The following CR1 variants were observed in gnomAD, a reference collection of about 807,000 sequenced individuals.
CR1 encodes complement C3b/C4b receptor 1 (Knops blood group), also known as complement receptor type 1.
Under a neutral mutation model 187.3 loss-of-function variants are expected in CR1, and 116 were observed. That is an observed-to-expected ratio of 0.62 (90% CI 0.53 to 0.72). The LOEUF (loss-of-function observed/expected upper bound fraction) is 0.72, where lower values mean the gene tolerates loss of function less well. CR1 is among the 30% of genes least tolerant of loss of function. The probability of loss-of-function intolerance (pLI) is 0.00; values close to 1 mark genes in which losing one functional copy is unlikely to be tolerated. For synonymous variants in CR1, 576 were observed against 747.1 expected, an observed-to-expected ratio of 0.77 and a Z score of 3.73; for missense variants, 1,731 against 2,110.7, an observed-to-expected ratio of 0.82 and a Z score of 3.52.
In CR1 at chr1:207,619,967, C is replaced by T; in HGVS notation, c.7154C>T (p.Thr2385Ile). Residue 2385 changes from threonine (T) to isoleucine (I), a missense_variant, in exon 43 of 47, where the codon ACT (threonine) becomes ATT (isoleucine). Coordinates refer to ENST00000367049, the MANE Select transcript of CR1 (RefSeq NM_000651.6). ...KKVYHYGDYVTLKCEDGYTLE... is the reference protein window; with the variant it reads ...KKVYHYGDYVILKCEDGYTLE... ...GTATATCACTATGGAGATTATGTGA[C>T]TTTGAAGTGTGAAGATGGGTATACT... 1 of 1,613,392 alleles carries T rather than the reference C, an allele frequency of 6.2e-7. No individual in the cohort carries two copies. The highest frequency in any genetic ancestry group is 8.5e-7 in the Non-Finnish European group (1 of 1,179,660).
At chr1:207,521,104 G>A (rs1481052374) in intron 4 of CR1, among the ~76,000 whole-genome samples, 1 of 150,666 alleles carries the variant, frequency 6.6e-6, no homozygotes, top group East Asian at 2.0e-4. Context: ...AGCCTTCCAA[G>A]TAGCTGCAAT....
In CR1 at chr1:207,567,996, A is replaced by G; in HGVS notation, c.4125A>G (p.Gln1375=). The G allele has an allele frequency of 1.2e-6, 2 of 1,610,548 alleles. No individual in the cohort carries two copies. Among genetic ancestry groups the G allele is most frequent in the South Asian group, 1.1e-5 (1 of 91,044 alleles). ...CCATCCGCTGCACAAGTGACCCTCA[A>G]GGGAATGGGGTTTGGAGCAGCCCTG... ...ESTIRCTSDP[Q]GNGVWSSPAP... is the part of the protein sequence containing the mutation. The change falls in exon 25 of 47, where the codon CAA becomes CAG. Residue 1375 remains glutamine (Q), a synonymous_variant. Transcript: ENST00000367049.
chr1:207,606,114 T>G (rs1661743393), intron 35 of CR1: 1 of 152,276 alleles, frequency 6.6e-6, no homozygotes, highest in Admixed American at 6.5e-5. Context: ...CACAGAAACC[T>G]GGGTTCCTTC....
At chr1:207,518,063 AC>A (rs1659858307) in intron 4 of CR1, among the ~76,000 whole-genome samples, 2 of 151,978 alleles carry the variant, frequency 1.3e-5, no homozygotes, top group South Asian at 2.1e-4. Context: ...TTTGTTTCCA[AC>A]CTTTATTTTT....
At chr1:207,500,397 T>G (rs780558898) in intron 1 of CR1, among the ~76,000 whole-genome samples, 1 of 152,242 alleles carries the variant, frequency 6.6e-6, no homozygotes, top group African/African-American at 2.4e-5. Flanking sequence ...AGGGTAAGTA[T>G]GCAGAATGGA....
At chr1:207,596,724 CAA>C (rs979267267) in intron 35 of CR1, among the ~76,000 whole-genome samples, 46 of 148,874 alleles carry the variant, frequency 3.1e-4, no homozygotes, top group African/African-American at 1.1e-3. Context: ...GATGTTCAAG[CAA>C]AGATAGGAAA....
intron 5 of CR1, among the ~76,000 whole-genome samples, chr1:207,525,954 G>A (rs1440006076): frequency 6.6e-6 from 1 of 152,054 alleles, no homozygotes; most frequent in South Asian, 2.1e-4. Context: ...AAGACAAACC[G>A]AAATTATTTT....
At chr1:207,567,138 C>A (rs1175301175) in intron 24 of CR1, among the ~76,000 whole-genome samples, 1 of 150,284 alleles carries the variant, frequency 6.7e-6, no homozygotes, top group African/African-American at 2.5e-5. Context: ...AGAGACTGTT[C>A]TAAACAAATC....
At chr1:207,518,667 G>C (rs946441956) in intron 4 of CR1, among the ~76,000 whole-genome samples, 1 of 152,184 alleles carries the variant, frequency 6.6e-6, no homozygotes, top group Non-Finnish European at 1.5e-5. Flanking sequence ...TCCTTGGCTT[G>C]TAGATGCATC....
At chr1:207,621,791 T>C (rs1369967160) in intron 43 of CR1, among the ~76,000 whole-genome samples, 182 bp from the exon 44 acceptor site, 3 of 152,242 alleles carry the variant, frequency 2.0e-5, no homozygotes, top group Non-Finnish European at 4.4e-5. Context: ...TTTTTAAAAG[T>C]CTTCTCTGAG....
intron 23 of CR1, 142 bp from the exon 24 acceptor site, chr1:207,565,696 C>T (rs1660472099): frequency 1.8e-6 from 2 of 1,098,076 alleles, no homozygotes; most frequent in Middle Eastern, 3.0e-4. Context: ...GTGATTTTTC[C>T]AGAATAAGGT....
intron 42 of CR1, among the ~76,000 whole-genome samples, chr1:207,619,376 C>CAAAAAAAAAAAAAAAAAAA (rs67078800): frequency 1.1e-5 from 1 of 92,650 alleles, no homozygotes; most frequent in East Asian, 3.3e-4. Context: ...CAGTGAGACT[C>CAAAAAAAAAAAAAAAAAAA]AAAAAAAAAA....
intron 44 of CR1, 95 bp from the exon 45 acceptor site, chr1:207,622,898 A>T (rs764455388): frequency 5.3e-5 from 43 of 816,262 alleles, no homozygotes; most frequent in Non-Finnish European, 8.1e-5. Flanking sequence ...AAAAAAAAGC[A>T]TTGGCAATCT....
rs554894623 is a variant in CR1, at chr1:207,605,135, C to T, written c.5811-2116C>T. Among the ~76,000 whole-genome samples, 18 of 152,014 alleles carry T rather than the reference C, an allele frequency of 1.2e-4. No homozygotes were observed. In the East Asian group the frequency reaches 3.1e-3, roughly 26 times the overall value. ...ATTAGCCAGGCATGGCAGCGCATAC[C>T]TGTAGTCCCAGCTACTCGGGAGGCT... On this transcript the variant is annotated intron_variant, in intron 35 of 46. Transcript: ENST00000367049.
intron 4 of CR1, among the ~76,000 whole-genome samples, chr1:207,515,275 A>G: frequency 6.7e-6 from 1 of 148,418 alleles, no homozygotes; most frequent in South Asian, 2.1e-4. Context: ...ACGTATACAT[A>G]TATAGGTATA....
At chr1:207,599,541 T>C (rs1384619135) in intron 35 of CR1, among the ~76,000 whole-genome samples, 1 of 152,202 alleles carries the variant, frequency 6.6e-6, no homozygotes, top group Non-Finnish European at 1.5e-5. Context: ...TGCAGTATTG[T>C]TTATATAAGC....
intron 4 of CR1, among the ~76,000 whole-genome samples, chr1:207,515,476 A>G (rs1659782871): frequency 6.6e-6 from 1 of 151,904 alleles, no homozygotes; most frequent in African/African-American, 2.4e-5. Flanking sequence ...TTATCTTCCC[A>G]AAGAAACCAC....
chr1:207,626,894 C>A (rs2102410115), intron 45 of CR1, among the ~76,000 whole-genome samples: 1 of 152,170 alleles, frequency 6.6e-6, no homozygotes, highest in Non-Finnish European at 1.5e-5. Context: ...AAAAATTAGC[C>A]TGGTGTAGTG....
intron 33 of CR1, among the ~76,000 whole-genome samples, chr1:207,585,751 T>C (rs1240830045): frequency 2.0e-5 from 3 of 152,200 alleles, no homozygotes; most frequent in Non-Finnish European, 4.4e-5. Context: ...ATTTTTTTAA[T>C]GTAAATGCCT....
Sources: gnomAD v4.1 joint callset for allele counts (sites outside exome capture counted in the v4.1 genomes callset) on GRCh38, gnomAD v4.1.1 for gene constraint, MANE v1.5 for transcripts, NCBI Gene and HGNC (gene_info 2026-07-23, HGNC 2026-07-21) for gene names.